FARS2: variants seen among roughly 807,000 people sequenced by gnomAD.
FARS2 encodes phenylalanyl-tRNA synthetase 2, mitochondrial, also known as phenylalanine--tRNA ligase, mitochondrial.
In FARS2, 40 loss-of-function variants were observed where a neutral mutation model predicts 46.4. That is an observed-to-expected ratio of 0.86 (90% CI 0.67 to 1.12). The LOEUF (loss-of-function observed/expected upper bound fraction) is 1.12, where lower values mean the gene tolerates loss of function less well. FARS2 is among the 50% of genes most tolerant of loss of function. The pLI is 0.00. For missense variants in FARS2, 513 were observed against 567.9 expected (o/e 0.90, Z 0.98); for synonymous variants, 234 against 214.9 (o/e 1.09, Z -0.78).
At chr6:5,494,095 C>G (rs1162924337) in intron 4 of FARS2, among the ~76,000 whole-genome samples, 1 of 150,238 alleles carries the variant, frequency 6.7e-6, no homozygotes, top group East Asian at 1.9e-4. Context: ...TTTTCTCTAG[C>G]TCTTGTTTTC....
intron 1 of FARS2, among the ~76,000 whole-genome samples, chr6:5,288,990 C>A (rs1203917289): frequency 6.6e-6 from 1 of 152,178 alleles, no homozygotes; most frequent in Admixed American, 6.5e-5. Context: ...ACATTAGAAT[C>A]ATTAAGAATA....
At chr6:5,368,208 A>G (rs1367350068) in intron 1 of FARS2, among the ~76,000 whole-genome samples, 1 of 152,152 alleles carries the variant, frequency 6.6e-6, no homozygotes, top group Non-Finnish European at 1.5e-5. Flanking sequence ...TTTTGGTTCT[A>G]TAATGTAAAG....
intron 1 of FARS2, among the ~76,000 whole-genome samples, chr6:5,312,427 G>T (rs1769142615): frequency 6.7e-6 from 1 of 148,886 alleles, no homozygotes; most frequent in African/African-American, 2.6e-5. Context: ...AGGACTTATT[G>T]TTTGATATTT....
chr6:5,709,611 G>T (rs1209325968), intron 6 of FARS2, among the ~76,000 whole-genome samples: 3 of 151,760 alleles, frequency 2.0e-5, no homozygotes, highest in Non-Finnish European at 2.9e-5. Context: ...TCTTAAGATC[G>T]GAAGACAATG....
chr6:5,389,554 A>G (rs1760354533), intron 2 of FARS2, among the ~76,000 whole-genome samples: 1 of 152,180 alleles, frequency 6.6e-6, no homozygotes, highest in Non-Finnish European at 1.5e-5. Context: ...CAGAGCAAGA[A>G]TGTCCTGTGG....
intron 6 of FARS2, among the ~76,000 whole-genome samples, chr6:5,639,985 C>T (rs753025239): frequency 9.2e-5 from 14 of 152,204 alleles, no homozygotes; most frequent in Non-Finnish European, 1.6e-4. Flanking sequence ...TTCGGAAAAA[C>T]GTTTTTTTAA....
At chr6:5,499,722 T>C (rs182428301) in intron 4 of FARS2, among the ~76,000 whole-genome samples, 1 of 152,352 alleles carries the variant, frequency 6.6e-6, no homozygotes, top group East Asian at 1.9e-4. Context: ...GTGATATCAT[T>C]GCCTGCAGAA....
At chr6:5,294,333 A>G (rs1767706670) in intron 1 of FARS2, among the ~76,000 whole-genome samples, 1 of 152,180 alleles carries the variant, frequency 6.6e-6, no homozygotes, top group South Asian at 2.1e-4. Flanking sequence ...AATGATGTGT[A>G]TGTGGTGGTG....
At chr6:5,313,324 C>G (rs1050608561) in intron 1 of FARS2, among the ~76,000 whole-genome samples, 3 of 152,140 alleles carry the variant, frequency 2.0e-5, no homozygotes, top group African/African-American at 7.2e-5. Context: ...TTCTAGTTTC[C>G]CAGTGACTTC....
At chr6:5,443,289 T>C (rs1376504349) in intron 4 of FARS2, among the ~76,000 whole-genome samples, 1 of 152,196 alleles carries the variant, frequency 6.6e-6, no homozygotes, top group Non-Finnish European at 1.5e-5. Context: ...GGAAAAGAAA[T>C]GGAATTTGGC....
At chr6:5,518,333 A>G (rs1356766863) in intron 4 of FARS2, among the ~76,000 whole-genome samples, 1 of 152,014 alleles carries the variant, frequency 6.6e-6, no homozygotes, top group Non-Finnish European at 1.5e-5. Context: ...ATTTCAGAGA[A>G]GTAGACTATG....
intron 5 of FARS2, among the ~76,000 whole-genome samples, chr6:5,605,754 A>C (rs1478117597): frequency 6.6e-6 from 1 of 152,238 alleles, no homozygotes; most frequent in Non-Finnish European, 1.5e-5. Flanking sequence ...CTTGGAAAAA[A>C]AAAATGCCTG....
At chr6:5,685,808 C>G (rs541712593) in intron 6 of FARS2, among the ~76,000 whole-genome samples, 3 of 152,224 alleles carry the variant, frequency 2.0e-5, no homozygotes, top group African/African-American at 7.2e-5. Context: ...ATATTGGGCC[C>G]CTTCCTATTC....
chr6:5,454,947 C>T (rs936286198), intron 4 of FARS2, among the ~76,000 whole-genome samples: 1 of 152,200 alleles, frequency 6.6e-6, no homozygotes, highest in African/African-American at 2.4e-5. Flanking sequence ...CAGGCATCAC[C>T]ACTGTAGTAA....
At chr6:5,489,681 G>A (rs931658065) in intron 4 of FARS2, among the ~76,000 whole-genome samples, 2 of 152,036 alleles carry the variant, frequency 1.3e-5, no homozygotes, top group Admixed American at 6.5e-5. Flanking sequence ...TTCCTGTACA[G>A]GCATATTAGT....
chr6:5,527,769 A>G (rs60909855), intron 4 of FARS2, among the ~76,000 whole-genome samples: 3,416 of 152,316 alleles, frequency 0.022, 134 homozygotes, highest in African/African-American at 0.077. Context: ...CAATCAAACA[A>G]AAACAACTTC....
chr6:5,713,736 T>C (rs1759321770), intron 6 of FARS2, among the ~76,000 whole-genome samples: 1 of 152,212 alleles, frequency 6.6e-6, no homozygotes. Context: ...CTTTTGCATA[T>C]TTGCACAGGC....
At chr6:5,447,568 G>A (rs80085539) in intron 4 of FARS2, among the ~76,000 whole-genome samples, 2,496 of 152,268 alleles carry the variant, frequency 0.016, 69 homozygotes, top group African/African-American at 0.057. Flanking sequence ...GAAACTGTTA[G>A]GTGAAGGCTT....
intron 4 of FARS2, among the ~76,000 whole-genome samples, chr6:5,483,669 A>T (rs1002050676): frequency 3.3e-5 from 5 of 151,960 alleles, no homozygotes; most frequent in East Asian, 3.9e-4. Context: ...TCTGTCTCAA[A>T]AAATAAATAA....
Sources: allele counts gnomAD v4.1 joint callset (sites outside exome capture counted in the v4.1 genomes callset), GRCh38; gene constraint gnomAD v4.1.1; transcripts MANE v1.5; gene names NCBI Gene and HGNC (gene_info 2026-07-23, HGNC 2026-07-21).